Variants in ATP1A1 observed in about 807,000 individuals in gnomAD.
ATP1A1 encodes the protein ATPase Na+/K+ transporting subunit alpha 1, also known as sodium/potassium-transporting ATPase subunit alpha-1.
In ATP1A1, 14 loss-of-function variants were observed where a neutral mutation model predicts 114.8. The observed-to-expected ratio is 0.12, with a 90% confidence interval of 0.08 to 0.19. The LOEUF (loss-of-function observed/expected upper bound fraction) is 0.19, where lower values mean the gene tolerates loss of function less well. ATP1A1 is among the 10% of genes least tolerant of loss of function. ATP1A1 has a pLI of 1.00. For missense variants in ATP1A1, 524 were observed against 1,290.7 expected (o/e 0.41, Z 9.10); for synonymous variants, 471 against 466.3 (o/e 1.01, Z -0.13).
chr1:116,398,943 T>C lies in ATP1A1; in HGVS notation c.2307T>C (p.Phe769=), dbSNP rs375568278. Residue 769 remains phenylalanine, a synonymous_variant, in exon 17 of 23, where the codon TTT becomes TTC. Coordinates refer to ENST00000295598, the MANE Select transcript of ATP1A1 (RefSeq NM_000701.8). The surrounding 1 kb of genome is among the most constrained non-coding windows in gnomAD (Gnocchi z 6.1). ...TGGTTTTCATAGGTCGTCTGATCTT[T>C]GATAACTTGAAGAAATCCATTGCTT... ...VTGVEEGRLI[F]DNLKKSIAYT... The C allele has an allele frequency of 9.3e-6, 15 of 1,614,232 alleles. No homozygotes were observed. The African/African-American group carries it at 1.5e-4, about 16-fold the overall frequency.
rs993227151 is a variant in ATP1A1 at position 116,381,588 on chromosome 1, T to C, written c.13-2426T>C. 2.6e-5 allele frequency among the ~76,000 whole-genome samples: 4 copies of C among 152,134 alleles called. No individual in the cohort carries two copies. The highest frequency in any genetic ancestry group is 5.9e-5 in the Non-Finnish European group (4 of 68,012). On this transcript the variant is annotated intron_variant, in intron 1 of 22. Coordinates refer to ENST00000295598, the MANE Select transcript of ATP1A1 (RefSeq NM_000701.8). This position sits in a 1 kb window ranked among gnomAD's most constrained non-coding sequence, Gnocchi z 5.1. The stretch of plus-strand genomic sequence containing the variant: ...CTTTGCCTTACCTAGCATGAATGGA[T>C]AAAGAAAAAGGAGAGTTATTAGGGA...
At position 116,398,249 on chromosome 1, in the gene ATP1A1, T is replaced by C. The variant is rs981441627; in HGVS notation, c.2124+211T>C. Among the ~76,000 whole-genome samples the C allele has an allele frequency of 2.6e-4, 39 of 152,196 alleles. No individual in the cohort carries two copies. Among genetic ancestry groups the C allele is most frequent in the Non-Finnish European group, 4.9e-4 (33 of 68,034 alleles). ...AGCACTTTAAAGTCCAGGTGTCCAC[T>C]GTGTCCCAGAGCCTGACCGCTCCGT... On this transcript the variant is annotated intron_variant, in intron 15 of 22. Transcript: ENST00000295598. The surrounding 1 kb of genome is among the most constrained non-coding windows in gnomAD (Gnocchi z 6.1).
At chr1:116,392,233 T>G (rs765654210) in intron 10 of ATP1A1, 9 of 152,260 alleles carry the variant, frequency 5.9e-5, no homozygotes, top group Non-Finnish European at 1.0e-4. Flanking sequence ...AGCATGGGCT[T>G]TAACTAAAAT....
rs1653478349 is a variant in ATP1A1 at position 116,401,514 on chromosome 1, T to C, written c.2850-40T>C. On this transcript the variant is annotated intron_variant, in intron 20 of 22. Transcript: ENST00000295598. The surrounding 1 kb of genome is among the most constrained non-coding windows in gnomAD (Gnocchi z 4.7). ...ATAGCATTAGAAGATAAACCTTTATTTGCACCTTTTAAGTTTTTTCTCCCC... is the reference window on the plus strand; with the variant it reads ...ATAGCATTAGAAGATAAACCTTTATCTGCACCTTTTAAGTTTTTTCTCCCC... The C allele has an allele frequency of 6.3e-7, 1 of 1,592,746 alleles. No individual in the cohort carries two copies. Among genetic ancestry groups the C allele is most frequent in the Middle Eastern group, 1.7e-4 (1 of 6,022 alleles).
chr1:116,384,883 T>C lies in ATP1A1; in HGVS notation c.183+41T>C. On this transcript the variant is annotated intron_variant, in intron 3 of 22. Transcript: ENST00000295598. This position sits in a 1 kb window ranked among gnomAD's most constrained non-coding sequence, Gnocchi z 5.1. ...AAAGCTGTTGTACAAAATCCTAGTTTTCCGTATTATATTTTCCCCTGTATT... is the reference window on the plus strand; with the variant it reads ...AAAGCTGTTGTACAAAATCCTAGTTCTCCGTATTATATTTTCCCCTGTATT... The C allele has an allele frequency of 1.3e-6, 2 of 1,594,008 alleles. No individual in the cohort carries two copies. Among genetic ancestry groups the C allele is most frequent in the Non-Finnish European group, 8.6e-7 (1 of 1,161,886 alleles).
Position 116,399,128 on chromosome 1 carries a change from G to A in ATP1A1, c.2448+44G>A. 8.1e-6 allele frequency: 13 copies of A among 1,610,634 alleles called. No individual in the cohort carries two copies. Among genetic ancestry groups the A allele is most frequent in the Non-Finnish European group, 1.1e-5 (13 of 1,177,244 alleles). ...ACAGATCGATAGTAGTGAGGTGTGA[G>A]CTGTGTCTTCATTCACTGGCACTAT... is the stretch of plus-strand genomic sequence containing the variant. On this transcript the variant is annotated intron_variant, in intron 17 of 22. Transcript: ENST00000295598. The surrounding 1 kb of genome is among the most constrained non-coding windows in gnomAD (Gnocchi z 5.0).
At position 116,390,830 on chromosome 1, in the gene ATP1A1, T is replaced by C; in HGVS notation, c.1271T>C (p.Ile424Thr). ...GCTACCTGGCTTGCTCTGTCCAGAA[T>C]TGCAGGTCTTTGTAACAGGGCAGTG... ...TSATWLALSR[I>T]AGLCNRAVFQ... The change falls in exon 10 of 23, where the codon ATT becomes ACT. Residue 424 changes from isoleucine (I) to threonine (T), a missense_variant. Physicochemically the swap from Ile to Thr is moderately conservative, Grantham distance 89. Around this residue, in one of 8 missense-constraint regions of ATP1A1, gnomAD observed 143 missense variants for 259.3 expected, o/e 0.55. Coordinates refer to ENST00000295598, the MANE Select transcript of ATP1A1 (RefSeq NM_000701.8). 1 of 1,614,234 alleles carries C rather than the reference T, an allele frequency of 6.2e-7. No individual in the cohort carries two copies. Among genetic ancestry groups the C allele is most frequent in the Non-Finnish European group, 8.5e-7 (1 of 1,180,026 alleles).
chr1:116,383,344 T>C (rs1651871904), intron 1 of ATP1A1: 2 of 1,068,196 alleles, frequency 1.9e-6, no homozygotes, highest in Non-Finnish European at 2.3e-6. Context: ...AGTGTTCTTA[T>C]GTGAGCACTA....
chr1:116,376,993 T>TTGC (rs1278213653), intron 1 of ATP1A1, among the ~76,000 whole-genome samples: 9 of 152,222 alleles, frequency 5.9e-5, no homozygotes, highest in Non-Finnish European at 1.2e-4. Flanking sequence ...TCGGATTATT[T>TTGC]TAGCAACAAA....
At chr1:116,390,111 A>T in intron 8 of ATP1A1, 102 bp from the exon 9 acceptor site, 1 of 1,212,632 alleles carries the variant, frequency 8.2e-7, no homozygotes, top group South Asian at 1.4e-5. Flanking sequence ...GGTTGGAGAG[A>T]TTTAATTTTA....
At chr1:116,390,077 T>G (rs1245321427) in intron 8 of ATP1A1, 136 bp from the exon 9 acceptor site, 3 of 935,334 alleles carry the variant, frequency 3.2e-6, no homozygotes, top group Non-Finnish European at 4.9e-6. Flanking sequence ...GTTCCCCTTA[T>G]TATTTCTTCA....
At position 116,393,454 on chromosome 1, in the gene ATP1A1, A is replaced by G; in HGVS notation, c.1468-77A>G. 6.9e-7 allele frequency: 1 copy of G among 1,453,670 alleles called. No individual in the cohort carries two copies. Among genetic ancestry groups the G allele is most frequent in the Non-Finnish European group, 9.3e-7 (1 of 1,071,768 alleles). The allele number at this position is 1,453,670 out of a possible 1,614,324, so 90.0% of individuals were successfully genotyped here. The stretch of plus-strand genomic sequence containing the variant: ...TCTTTTATAGCAAATACTAAATAGT[A>G]AGTGAAGCTTTGTTTTCCACCATGG... On this transcript the variant is annotated intron_variant, in intron 11 of 22. Coordinates refer to ENST00000295598, the MANE Select transcript of ATP1A1 (RefSeq NM_000701.8). This position sits in a 1 kb window ranked among gnomAD's most constrained non-coding sequence, Gnocchi z 5.0.
intron 1 of ATP1A1, among the ~76,000 whole-genome samples, chr1:116,376,303 G>A (rs1008511848): frequency 7.9e-5 from 12 of 152,228 alleles, no homozygotes; most frequent in Non-Finnish European, 1.8e-4. Flanking sequence ...GCACATGTCA[G>A]CAGAAATCCT....
rs1570956333 is a variant in ATP1A1 at position 116,389,152 on chromosome 1, T to G, written c.754+133T>G. ...ACTTGTGTCAAGCACAGAGCAGAGG[T>G]GTTTTCCTAGCTGGCAGGAAACCTT... On this transcript the variant is annotated intron_variant, in intron 7 of 22. Transcript: ENST00000295598. The surrounding 1 kb of genome is among the most constrained non-coding windows in gnomAD (Gnocchi z 6.9). 1 of 981,274 alleles carries G rather than the reference T, an allele frequency of 1.0e-6. No individual in the cohort carries two copies. Among genetic ancestry groups the G allele is most frequent in the South Asian group, 1.6e-5 (1 of 63,656 alleles). 60.8% of individuals were successfully genotyped at this position (981,274 alleles called of 1,614,324 possible).
chr1:116,400,655 C>G (rs1313846443), intron 18 of ATP1A1, among the ~76,000 whole-genome samples: 1 of 152,154 alleles, frequency 6.6e-6, no homozygotes, highest in Non-Finnish European at 1.5e-5. Context: ...GCAGAGGGCC[C>G]TGAGATTGGA....
intron 12 of ATP1A1, among the ~76,000 whole-genome samples, chr1:116,394,724 T>C (rs1287543032): frequency 6.6e-6 from 1 of 152,200 alleles, no homozygotes; most frequent in East Asian, 1.9e-4. Flanking sequence ...GCCTTGATGT[T>C]TCCAGAGAAG....
chr1:116,380,427 T>C (rs1651666741), intron 1 of ATP1A1, among the ~76,000 whole-genome samples: 2 of 152,222 alleles, frequency 1.3e-5, no homozygotes, highest in African/African-American at 4.8e-5. Context: ...CATCCTGCCC[T>C]GTTGGAGGCT....
chr1:116,388,167 A>G lies in ATP1A1; in HGVS notation c.424A>G (p.Ile142Val), dbSNP rs1652222219. The G allele has an allele frequency of 1.2e-6, 2 of 1,614,042 alleles. No individual in the cohort carries two copies. Among genetic ancestry groups the G allele is most frequent in the East Asian group, 2.2e-5 (1 of 44,888 alleles). The change falls in exon 5 of 23, where the codon ATA becomes GTA. Residue 142 changes from isoleucine to valine, a missense_variant. By Grantham distance (29) the Ile-to-Val change is conservative. Coordinates refer to ENST00000295598, the MANE Select transcript of ATP1A1 (RefSeq NM_000701.8). This position sits in a 1 kb window ranked among gnomAD's most constrained non-coding sequence, Gnocchi z 5.6. ...LGVVLSAVVIITGCFSYYQEA... is the reference protein window; with the variant it reads ...LGVVLSAVVIVTGCFSYYQEA... ...TGTGGTGCTATCAGCCGTTGTAATC[A>G]TAACTGGTTGCTTCTCCTACTATCA...
At chr1:116,391,414 GC>G (rs1282238002) in intron 10 of ATP1A1, among the ~76,000 whole-genome samples, 2 of 152,166 alleles carry the variant, frequency 1.3e-5, no homozygotes, top group African/African-American at 4.8e-5. Flanking sequence ...GCCAAAATAA[GC>G]CCAGCCTTAG....
Sources: gnomAD v4.1 joint callset for allele counts (sites outside exome capture counted in the v4.1 genomes callset) on GRCh38, gnomAD v4.1.1 for gene constraint, gnomAD v4.1.1 regional missense constraint, Gnocchi (gnomAD v3.1) non-coding constraint, MANE v1.5 for transcripts, NCBI Gene and HGNC (gene_info 2026-07-23, HGNC 2026-07-21) for gene names.